Variants in YEATS4 observed in about 807,000 individuals in gnomAD.
The protein encoded by YEATS4 is YEATS domain-containing protein 4.
YEATS4 carries 17 observed loss-of-function variants against 30.1 expected under a neutral mutation model. That is an observed-to-expected ratio of 0.56 (90% CI 0.39 to 0.85). YEATS4 has a LOEUF of 0.85. Ranked by LOEUF, YEATS4 falls within the 40% of genes least tolerant of loss-of-function variation. The pLI is 0.00. For synonymous variants in YEATS4, 85 were observed against 87.5 expected (o/e 0.97, Z 0.16); for missense variants, 142 against 268.3 (o/e 0.53, Z 3.29).
chr12:69,395,099 AGACT>A (rs61324881), downstream of YEATS4, among the ~76,000 whole-genome samples: 1,520 of 152,334 alleles, frequency 1.0e-2, 29 homozygotes, highest in African/African-American at 0.034. Context: ...ATCTGCTAAA[AGACT>A]GACTCAACAG....
intron 1 of YEATS4, 54 bp downstream of exon 1, chr12:69,360,077 C>G (rs896702787): frequency 1.9e-6 from 3 of 1,589,586 alleles, no homozygotes. Flanking sequence ...TCGGTTCCTC[C>G]CTGCGCGGCG....
chr12:69,377,549 C>A (rs1306993998), intron 6 of YEATS4, among the ~76,000 whole-genome samples: 2 of 152,186 alleles, frequency 1.3e-5, no homozygotes, highest in African/African-American at 4.8e-5. Context: ...GTGTGAGCCT[C>A]TGCACCTGAC....
chr12:69,387,753 G>C (rs916768797), intron 6 of YEATS4, among the ~76,000 whole-genome samples: 5 of 152,202 alleles, frequency 3.3e-5, no homozygotes, highest in African/African-American at 1.2e-4. Context: ...TATATCAGCA[G>C]ACTATTTCTG....
At chr12:69,364,519 A>T (rs1181598033) in intron 2 of YEATS4, among the ~76,000 whole-genome samples, 1 of 152,168 alleles carries the variant, frequency 6.6e-6, no homozygotes, top group Non-Finnish European at 1.5e-5. Context: ...GCCATAACTA[A>T]TGAATATGCT....
At chr12:69,405,591 A>G in the YEATS4 span, among the ~76,000 whole-genome samples, 1 of 152,198 alleles carries the variant, frequency 6.6e-6, no homozygotes, top group Non-Finnish European at 1.5e-5. Context: ...GTTACTTTGA[A>G]CACAAGCACT....
chr12:69,364,212 G>T (rs1226971537), intron 2 of YEATS4: 2 of 447,358 alleles, frequency 4.5e-6, no homozygotes, highest in Non-Finnish European at 8.9e-6. Context: ...CAGCACTATG[G>T]GAGGCCCAAG....
chr12:69,413,223 G>A, the YEATS4 span, among the ~76,000 whole-genome samples: 2 of 152,082 alleles, frequency 1.3e-5, no homozygotes, highest in Non-Finnish European at 2.9e-5. Flanking sequence ...GACCAGTCTG[G>A]CCAACAGAGT....
chr12:69,390,122 TAGTA>T, intron 6 of YEATS4, 21 bp from the exon 7 acceptor site: 1 of 1,552,712 alleles, frequency 6.4e-7, no homozygotes, highest in Non-Finnish European at 8.6e-7. Flanking sequence ...AAAAATACTT[TAGTA>T]AAAGTATTTG....
chr12:69,400,696 T>TA, the YEATS4 span, among the ~76,000 whole-genome samples: 1 of 147,640 alleles, frequency 6.8e-6, no homozygotes, highest in African/African-American at 2.5e-5. Flanking sequence ...TTTAAAAAGT[T>TA]TAAAAAAAAA....
At chr12:69,404,281 ATGGCATTAGTACCAATGCAGTTGCTTGT>A in the YEATS4 span, among the ~76,000 whole-genome samples, 5 of 152,202 alleles carry the variant, frequency 3.3e-5, no homozygotes, top group Non-Finnish European at 7.3e-5. Flanking sequence ...ACTCTGTTAG[ATGGCATTAGTACCAATGCAGTTGCTTGT>A]TGCTATGGTT....
chr12:69,362,626 T>A (rs995411230), intron 1 of YEATS4, among the ~76,000 whole-genome samples, 162 bp from the exon 2 acceptor site: 1 of 152,240 alleles, frequency 6.6e-6, no homozygotes, highest in Admixed American at 6.5e-5. Context: ...TTTGTGTTAA[T>A]ATGAAAGGAT....
At chr12:69,419,234 T>TTTTTTTTTTTTTTTTTG in the YEATS4 span, among the ~76,000 whole-genome samples, 1 of 145,926 alleles carries the variant, frequency 6.9e-6, no homozygotes, top group Admixed American at 6.9e-5. Context: ...TTTTTTTTTT[T>TTTTTTTTTTTTTTTTTG]TTTAGAGACA....
chr12:69,361,014 A>G (rs113714706), intron 1 of YEATS4, among the ~76,000 whole-genome samples: 16,339 of 151,312 alleles, frequency 0.11, 2,744 homozygotes, highest in African/African-American at 0.36. Flanking sequence ...GCTGGTCAAC[A>G]TGGTGAAACC....
intron 6 of YEATS4, among the ~76,000 whole-genome samples, chr12:69,380,198 A>C (rs1193615375): frequency 6.6e-6 from 1 of 152,132 alleles, no homozygotes; most frequent in Non-Finnish European, 1.5e-5. Context: ...TTTTTATTGT[A>C]GTCTTTGTAA....
chr12:69,413,056 A>G, the YEATS4 span, among the ~76,000 whole-genome samples: 13 of 152,360 alleles, frequency 8.5e-5, no homozygotes, highest in South Asian at 2.7e-3. Context: ...GGGTGTTTGC[A>G]CAGAATGAAC....
chr12:69,400,142 G>C, the YEATS4 span, among the ~76,000 whole-genome samples: 1 of 151,320 alleles, frequency 6.6e-6, no homozygotes, highest in Non-Finnish European at 1.5e-5. Flanking sequence ...AAAAAAAAAA[G>C]CTTAGTGTTA....
In YEATS4 at chr12:69,359,950, G is replaced by T. The variant is rs186118951; in HGVS notation, c.-23G>T. ...AGCCCCGGTCTCTTTCCCTGGCGGC[G>T]GCGGCTTCTTCCGTGGGACAATATG... On this transcript the variant is annotated 5_prime_UTR_variant, in exon 1 of 7. Coordinates refer to ENST00000247843, the MANE Select transcript of YEATS4 (RefSeq NM_006530.4). 1 of 1,611,628 alleles carries T rather than the reference G, an allele frequency of 6.2e-7. No homozygotes were observed. Among genetic ancestry groups the T allele is most frequent in the Non-Finnish European group, 8.5e-7 (1 of 1,178,828 alleles).
intron 6 of YEATS4, among the ~76,000 whole-genome samples, chr12:69,373,086 T>A (rs996904647): frequency 6.6e-6 from 1 of 152,238 alleles, no homozygotes; most frequent in African/African-American, 2.4e-5. Context: ...TGAATAGTAC[T>A]GCAATAACAT....
intron 6 of YEATS4, among the ~76,000 whole-genome samples, chr12:69,377,244 T>A (rs1404377341): frequency 6.6e-6 from 1 of 152,204 alleles, no homozygotes; most frequent in Non-Finnish European, 1.5e-5. Flanking sequence ...CTTTTCTCAT[T>A]TTTTACAATA....
Sources: gnomAD v4.1 joint callset for allele counts (sites outside exome capture counted in the v4.1 genomes callset) on GRCh38, gnomAD v4.1.1 for gene constraint, MANE v1.5 for transcripts, NCBI Gene and HGNC (gene_info 2026-07-23, HGNC 2026-07-21) for gene names.